The following ICA1 variants were observed in gnomAD, a reference collection of about 807,000 sequenced individuals.
The protein encoded by ICA1 is islet cell autoantigen 1.
ICA1 carries 40 observed loss-of-function variants against 71.0 expected under a neutral mutation model. The observed-to-expected ratio is 0.56, with a 90% confidence interval of 0.44 to 0.73. ICA1 has a LOEUF of 0.73. ICA1 is among the 30% of genes least tolerant of loss of function. The probability of loss-of-function intolerance (pLI) is 0.00; values close to 1 mark genes in which losing one functional copy is unlikely to be tolerated. For synonymous variants in ICA1, 207 were observed against 209.5 expected, an observed-to-expected ratio of 0.99 and a Z score of 0.10; for missense variants, 578 against 576.5, an observed-to-expected ratio of 1.00 and a Z score of -0.03.
intron 8 of ICA1, among the ~76,000 whole-genome samples, chr7:8,153,836 A>T (rs1381258966): frequency 7.3e-6 from 1 of 137,172 alleles, no homozygotes; most frequent in African/African-American, 2.7e-5. Flanking sequence ...ACTCATGCAG[A>T]ATATATATAT....
In ICA1 at chr7:8,221,439, A is replaced by G. The variant is rs373895090; in HGVS notation, c.257-41T>C. The G allele has an allele frequency of 1.4e-5, 23 of 1,607,874 alleles. No homozygotes were observed. The African/African-American group carries it at 2.7e-4, about 19-fold the overall frequency. ...CCAAAAGGAGCCATGAACAATGAGC[A>G]TTTTGATTGCAAAGGGAACAAGAAA... On this transcript the variant is annotated intron_variant, in intron 4 of 13. Transcript: ENST00000402384.
intron 6 of ICA1, among the ~76,000 whole-genome samples, chr7:8,165,343 C>G (rs1374611742): frequency 1.3e-5 from 2 of 152,188 alleles, no homozygotes; most frequent in Non-Finnish European, 2.9e-5. Flanking sequence ...TGTGTGTGCA[C>G]CACACATGTG....
intron 1 of ICA1, among the ~76,000 whole-genome samples, chr7:8,242,843 C>T (rs184494600): frequency 2.0e-5 from 3 of 152,290 alleles, no homozygotes; most frequent in East Asian, 3.9e-4. Context: ...TGGACACATA[C>T]ACCCTCCCAA....
At chr7:8,145,600 T>A (rs1169408005) in intron 8 of ICA1, among the ~76,000 whole-genome samples, 1 of 151,986 alleles carries the variant, frequency 6.6e-6, no homozygotes, top group Non-Finnish European at 1.5e-5. Context: ...CGTAAAATAT[T>A]TTCTAAATCA....
At chr7:8,209,346 G>A (rs1792792091) in intron 6 of ICA1, among the ~76,000 whole-genome samples, 1 of 152,080 alleles carries the variant, frequency 6.6e-6, no homozygotes, top group African/African-American at 2.4e-5. Context: ...TAAAAAAACT[G>A]TATGGATAGT....
chr7:8,143,902 G>C lies in ICA1; in HGVS notation c.875C>G (p.Thr292Arg). Residue 292 changes from threonine (T) to arginine (R), a missense_variant, in exon 9 of 14, where the codon ACA becomes AGA. Thr to Arg is a moderately conservative substitution (Grantham distance 71, BLOSUM62 -1). Transcript: ENST00000402384. ...GCTCGGCTCCTGCACGGCTGCATCTGTACTTTCCTGCTGGTTGATTTTCTT... is the reference window on the plus strand; with the variant it reads ...GCTCGGCTCCTGCACGGCTGCATCTCTACTTTCCTGCTGGTTGATTTTCTT... ...EKKKINQQES[T>R]DAAVQEPSQL... is the part of the protein sequence containing the mutation. 6.2e-7 allele frequency: 1 copy of C among 1,612,062 alleles called. No individual in the cohort carries two copies. The highest frequency in any genetic ancestry group is 8.5e-7 in the Non-Finnish European group (1 of 1,178,396).
chr7:8,231,770 A>G (rs1800354947), intron 3 of ICA1, among the ~76,000 whole-genome samples: 1 of 152,168 alleles, frequency 6.6e-6, no homozygotes, highest in African/African-American at 2.4e-5. Flanking sequence ...CCCTTTTCAC[A>G]TGACAGTAAT....
At chr7:8,193,113 G>A (rs1310794904) in intron 6 of ICA1, among the ~76,000 whole-genome samples, 15 of 152,154 alleles carry the variant, frequency 9.9e-5, no homozygotes, top group Admixed American at 9.8e-4. Flanking sequence ...TCATCTCAGA[G>A]GACTGAGCTG....
At chr7:8,154,302 GT>G (rs1174283506) in intron 8 of ICA1, among the ~76,000 whole-genome samples, 2 of 152,150 alleles carry the variant, frequency 1.3e-5, no homozygotes, top group African/African-American at 4.8e-5. Context: ...GTAAAACTTT[GT>G]GCTTCTTGGG....
At chr7:8,163,996 G>A (rs1001645756) in intron 6 of ICA1, among the ~76,000 whole-genome samples, 1 of 152,184 alleles carries the variant, frequency 6.6e-6, no homozygotes, top group South Asian at 2.1e-4. Flanking sequence ...GACTGAAGGA[G>A]AGAGTTGAAG....
In ICA1 at chr7:8,132,294, T is replaced by C. The variant is rs1367067872; in HGVS notation, c.1061-4152A>G. ...ATCCAGCACCTTTAGTCTTTCATTT[T>C]CCAATGCTTCCTTCCCCTAGCCGCA... On this transcript the variant is annotated intron_variant, in intron 12 of 13. Transcript: ENST00000402384. This position sits in a 1 kb window ranked among gnomAD's most constrained non-coding sequence, Gnocchi z 4.5. 4.6e-5 allele frequency among the ~76,000 whole-genome samples: 7 copies of C among 152,178 alleles called. No homozygotes were observed. Among genetic ancestry groups the C allele is most frequent in the African/African-American group, 1.7e-4 (7 of 41,440 alleles).
chr7:8,120,252 G>T (rs1786382277), intron 13 of ICA1, among the ~76,000 whole-genome samples: 1 of 152,148 alleles, frequency 6.6e-6, no homozygotes, highest in Admixed American at 6.5e-5. Flanking sequence ...TTAAGCATCA[G>T]TCTAACAATT....
At position 8,222,752 on chromosome 7, in the gene ICA1, T is replaced by C. The variant is rs1022636749; in HGVS notation, c.257-1354A>G. Among the ~76,000 whole-genome samples the C allele has an allele frequency of 6.6e-6, 1 of 152,202 alleles. No homozygotes were observed. The highest frequency in any genetic ancestry group is 2.4e-5 in the African/African-American group (1 of 41,460). ...TGTCTCTCAAAAATCAAGTTCACCATCAAAGGCCTGCTCGCAGGTTCCTTT... is the reference window on the plus strand; with the variant it reads ...TGTCTCTCAAAAATCAAGTTCACCACCAAAGGCCTGCTCGCAGGTTCCTTT... On this transcript the variant is annotated intron_variant, in intron 4 of 13. Transcript: ENST00000402384. The surrounding 1 kb of genome is among the most constrained non-coding windows in gnomAD (Gnocchi z 4.8).
At chr7:8,155,257 C>T (rs1047625963) in intron 8 of ICA1, among the ~76,000 whole-genome samples, 4 of 152,160 alleles carry the variant, frequency 2.6e-5, no homozygotes, top group African/African-American at 9.7e-5. Context: ...TTAAGGAAGG[C>T]TCTGGGGATG....
At chr7:8,135,312 C>A (rs1359282825) in intron 12 of ICA1, among the ~76,000 whole-genome samples, 1 of 152,106 alleles carries the variant, frequency 6.6e-6, no homozygotes. Context: ...CAAGTGTGAG[C>A]CACCGCGCCC....
intron 6 of ICA1, among the ~76,000 whole-genome samples, chr7:8,175,682 G>T (rs549314451): frequency 3.3e-5 from 5 of 152,212 alleles, no homozygotes; most frequent in African/African-American, 9.6e-5. Context: ...AGAAGTTCAG[G>T]TTTATACATG....
chr7:8,246,656 T>C (rs1293358244), intron 1 of ICA1, among the ~76,000 whole-genome samples: 1 of 152,250 alleles, frequency 6.6e-6, no homozygotes, highest in Non-Finnish European at 1.5e-5. Context: ...ACCACCTTGC[T>C]CTGTGGGAAG....
intron 2 of ICA1, 68 bp from the exon 3 acceptor site, chr7:8,232,823 G>C: frequency 7.5e-7 from 1 of 1,331,500 alleles, no homozygotes; most frequent in Non-Finnish European, 1.0e-6. Flanking sequence ...AGTGTGAAAT[G>C]ATTTCTTTAA....
chr7:8,135,817 C>A (rs759307497), intron 12 of ICA1, among the ~76,000 whole-genome samples: 1 of 152,144 alleles, frequency 6.6e-6, no homozygotes, highest in Non-Finnish European at 1.5e-5. Context: ...GGAGAGGGAT[C>A]TTTTGGGTAA....
Sources: allele counts gnomAD v4.1 joint callset (sites outside exome capture counted in the v4.1 genomes callset), GRCh38; gene constraint gnomAD v4.1.1; non-coding constraint Gnocchi (gnomAD v3.1); transcripts MANE v1.5; gene names NCBI Gene and HGNC (gene_info 2026-07-23, HGNC 2026-07-21).